Variants in REDIC1 observed in about 807,000 individuals in gnomAD.
The protein encoded by REDIC1 is regulator of DNA class I crossover intermediates 1, also known as HEI10 Interacting Protein 1.
chr12:39,762,162 C>T, the REDIC1 span, among the ~76,000 whole-genome samples: 1 of 152,022 alleles, frequency 6.6e-6, no homozygotes, highest in Non-Finnish European at 1.5e-5. Flanking sequence ...GTGGCTAAGT[C>T]GTGGAGGAGT....
chr12:39,741,216 T>A, the REDIC1 span, among the ~76,000 whole-genome samples: 1 of 152,224 alleles, frequency 6.6e-6, no homozygotes, highest in Non-Finnish European at 1.5e-5. Context: ...TGAAACAATT[T>A]CGTTTGCCTT....
chr12:39,719,630 A>T, the REDIC1 span, among the ~76,000 whole-genome samples: 1 of 152,096 alleles, frequency 6.6e-6, no homozygotes, highest in African/African-American at 2.4e-5. Context: ...ATAAAAAAAA[A>T]TCACCAATAA....
At chr12:39,684,893 A>G in the REDIC1 span, 1 of 1,612,566 alleles carries the variant, frequency 6.2e-7, no homozygotes, top group Non-Finnish European at 8.5e-7. Flanking sequence ...GAAGAATTGC[A>G]CTCTAAGCAG....
the REDIC1 span, among the ~76,000 whole-genome samples, chr12:39,655,146 A>G: frequency 7.9e-5 from 12 of 151,896 alleles, no homozygotes; most frequent in South Asian, 6.3e-4. Flanking sequence ...AGATTTTTCA[A>G]TTTTGTAGGT....
the REDIC1 span, among the ~76,000 whole-genome samples, chr12:39,900,342 G>C: frequency 6.6e-6 from 1 of 152,102 alleles, no homozygotes; most frequent in Non-Finnish European, 1.5e-5. Context: ...TCTGGCCAGG[G>C]CGATTAGGCA....
the REDIC1 span, among the ~76,000 whole-genome samples, chr12:39,738,546 A>G: frequency 6.6e-6 from 1 of 152,158 alleles, no homozygotes; most frequent in East Asian, 1.9e-4. Flanking sequence ...TATGTTTGCA[A>G]TTTCTTTGAC....
chr12:39,769,738 C>T, the REDIC1 span, among the ~76,000 whole-genome samples: 1 of 151,896 alleles, frequency 6.6e-6, no homozygotes. Flanking sequence ...TACACAAGAT[C>T]TCTCTTACTC....
At chr12:39,834,243 G>T in the REDIC1 span, among the ~76,000 whole-genome samples, 197 of 152,142 alleles carry the variant, frequency 1.3e-3, 2 homozygotes, top group African/African-American at 4.6e-3. Flanking sequence ...GTCAAAAAAA[G>T]ATATTATTTT....
At chr12:39,749,839 C>A in the REDIC1 span, among the ~76,000 whole-genome samples, 2 of 152,136 alleles carry the variant, frequency 1.3e-5, no homozygotes, top group Non-Finnish European at 2.9e-5. Flanking sequence ...TCAATAGATG[C>A]AGAAAAGGCC....
At chr12:39,887,427 G>T in the REDIC1 span, among the ~76,000 whole-genome samples, 2 of 152,022 alleles carry the variant, frequency 1.3e-5, no homozygotes, top group Non-Finnish European at 2.9e-5. Context: ...GAGGGCTCTA[G>T]AATCAATGAA....
the REDIC1 span, chr12:39,764,506 C>T: frequency 1.9e-6 from 3 of 1,610,292 alleles, no homozygotes; most frequent in African/African-American, 2.7e-5. Flanking sequence ...TTAGTGAAAC[C>T]AGGACATTGA....
the REDIC1 span, among the ~76,000 whole-genome samples, chr12:39,699,250 G>A: frequency 6.6e-6 from 1 of 152,216 alleles, no homozygotes; most frequent in Non-Finnish European, 1.5e-5. Flanking sequence ...TGCGCACCAT[G>A]CATGAGCCGA....
At chr12:39,711,725 ATG>A in the REDIC1 span, among the ~76,000 whole-genome samples, 82 of 13,612 alleles carry the variant, frequency 6.0e-3, 4 homozygotes, top group African/African-American at 0.011. Context: ...GTGTATGCAC[ATG>A]CATGTGTGTA....
At chr12:39,896,026 A>G in the REDIC1 span, among the ~76,000 whole-genome samples, 12 of 134,768 alleles carry the variant, frequency 8.9e-5, no homozygotes, top group Admixed American at 6.2e-4. Context: ...ATGTATACAT[A>G]CATGCATATG....
At chr12:39,799,577 C>T in the REDIC1 span, among the ~76,000 whole-genome samples, 2 of 152,054 alleles carry the variant, frequency 1.3e-5, no homozygotes, top group Middle Eastern at 3.4e-3. Flanking sequence ...CCCAAAAAAA[C>T]AAAAGCAAAA....
chr12:39,869,282 G>A, the REDIC1 span, among the ~76,000 whole-genome samples: 1 of 152,226 alleles, frequency 6.6e-6, no homozygotes, highest in African/African-American at 2.4e-5. Context: ...TTATTCTGAA[G>A]GTGTAAAGGT....
the REDIC1 span, among the ~76,000 whole-genome samples, chr12:39,726,319 C>G: frequency 6.6e-6 from 1 of 152,076 alleles, no homozygotes; most frequent in African/African-American, 2.4e-5. Flanking sequence ...CCTAGCCCCC[C>G]ACACCCCAAC....
At chr12:39,881,039 C>T in the REDIC1 span, among the ~76,000 whole-genome samples, 5 of 152,146 alleles carry the variant, frequency 3.3e-5, no homozygotes, top group Admixed American at 2.6e-4. Context: ...CTGTTTATGC[C>T]TGTCATTGTA....
At chr12:39,779,810 A>C in the REDIC1 span, among the ~76,000 whole-genome samples, 2 of 152,234 alleles carry the variant, frequency 1.3e-5, no homozygotes, top group Non-Finnish European at 2.9e-5. Context: ...TAAAAATTTC[A>C]AACTACACCA....
Sources: allele counts gnomAD v4.1 joint callset (sites outside exome capture counted in the v4.1 genomes callset), GRCh38; gene constraint gnomAD v4.1.1; transcripts MANE v1.5; gene names NCBI Gene and HGNC (gene_info 2026-07-23, HGNC 2026-07-21).